GRIP1: variants seen among roughly 807,000 people sequenced by gnomAD.
GRIP1 encodes the protein glutamate receptor interacting protein 1.
Under a neutral mutation model 129.9 loss-of-function variants are expected in GRIP1, and 45 were observed. The ratio of observed to expected loss-of-function variants is 0.35; its 90% confidence interval spans 0.27 to 0.44. The LOEUF (loss-of-function observed/expected upper bound fraction) is 0.44, where lower values mean the gene tolerates loss of function less well. Ranked by LOEUF, GRIP1 falls within the 20% of genes least tolerant of loss-of-function variation. The pLI is 1.00. For synonymous variants in GRIP1, 530 were observed against 520.8 expected (o/e 1.02, Z -0.24); for missense variants, 1,196 against 1,396.8 (o/e 0.86, Z 2.29).
chr12:66,665,205 G>A (rs2033728710), intron 1 of GRIP1, among the ~76,000 whole-genome samples: 1 of 152,058 alleles, frequency 6.6e-6, no homozygotes, highest in Non-Finnish European at 1.5e-5. Context: ...ACAAGGTCTT[G>A]CCATGTTGCC....
chr12:67,017,533 G>A (rs991872917), intron 1 of GRIP1, among the ~76,000 whole-genome samples: 1 of 151,576 alleles, frequency 6.6e-6, no homozygotes, highest in South Asian at 2.1e-4. Flanking sequence ...CTACAAAGGT[G>A]GCTGCAAATG....
intron 7 of GRIP1, among the ~76,000 whole-genome samples, chr12:66,482,252 T>A (rs150029009): frequency 0.014 from 2,061 of 152,196 alleles, 55 homozygotes; most frequent in African/African-American, 0.047. Context: ...ACTACAACAA[T>A]AACTGTCAAG....
At chr12:66,670,610 T>C (rs1565956037) in intron 1 of GRIP1, among the ~76,000 whole-genome samples, 2 of 152,328 alleles carry the variant, frequency 1.3e-5, no homozygotes, top group South Asian at 2.1e-4. Flanking sequence ...CCAAAATGTA[T>C]ACACACAAAT....
intron 1 of GRIP1, among the ~76,000 whole-genome samples, chr12:66,612,680 A>G (rs1358395887): frequency 1.3e-5 from 2 of 152,058 alleles, no homozygotes; most frequent in Admixed American, 1.3e-4. Context: ...TTAAATATCT[A>G]AATATAGAAA....
intron 1 of GRIP1, among the ~76,000 whole-genome samples, chr12:67,000,415 A>T (rs2042534943): frequency 6.6e-6 from 1 of 152,184 alleles, no homozygotes. Context: ...CTATCTAATC[A>T]CTTACTCTTA....
At chr12:66,388,719 C>T (rs1407541759) in intron 19 of GRIP1, among the ~76,000 whole-genome samples, 2 of 152,238 alleles carry the variant, frequency 1.3e-5, no homozygotes, top group Non-Finnish European at 2.9e-5. Context: ...CTTCCTTAAA[C>T]ATATCCCTTC....
Position 66,353,402 on chromosome 12 carries a change from C to T in GRIP1, c.3159+15G>A. The T allele has an allele frequency of 1.3e-6, 2 of 1,589,364 alleles. No homozygotes were observed. Among genetic ancestry groups the T allele is most frequent in the Non-Finnish European group, 1.7e-6 (2 of 1,157,644 alleles). On this transcript the variant is annotated intron_variant, in intron 24 of 24. Coordinates refer to ENST00000359742, the MANE Select transcript of GRIP1 (RefSeq NM_001366722.1). ...AATTACTTGCAAGGAATTAAAATTC[C>T]ACCTGAGGTCTTACCTGTAAGAGCC... is the stretch of plus-strand genomic sequence containing the variant.
intron 1 of GRIP1, among the ~76,000 whole-genome samples, chr12:66,613,878 T>C (rs952170772): frequency 1.3e-5 from 2 of 152,222 alleles, no homozygotes; most frequent in African/African-American, 4.8e-5. Flanking sequence ...CAGTATTAGG[T>C]ACCATCCACT....
chr12:66,580,591 A>T (rs1171437680), intron 2 of GRIP1, among the ~76,000 whole-genome samples: 1 of 149,326 alleles, frequency 6.7e-6, no homozygotes, highest in African/African-American at 2.4e-5. Flanking sequence ...AAACAAAAAA[A>T]GGCAGGGGTT....
intron 1 of GRIP1, among the ~76,000 whole-genome samples, chr12:66,908,867 G>A (rs1006834662): frequency 3.3e-5 from 5 of 152,132 alleles, no homozygotes; most frequent in Non-Finnish European, 7.4e-5. Flanking sequence ...CTTCTGATCT[G>A]AAAACAACCC....
At chr12:66,802,009 C>T (rs879762288) in intron 1 of GRIP1, among the ~76,000 whole-genome samples, 6 of 152,076 alleles carry the variant, frequency 3.9e-5, no homozygotes, top group African/African-American at 7.2e-5. Context: ...GTTTTAAGGT[C>T]GGTCTCACTC....
At chr12:66,946,904 C>T (rs913530131) in intron 1 of GRIP1, among the ~76,000 whole-genome samples, 1 of 151,716 alleles carries the variant, frequency 6.6e-6, no homozygotes, top group South Asian at 2.1e-4. Flanking sequence ...ATTAGCCAGG[C>T]GTGGTGGTTG....
intron 1 of GRIP1, among the ~76,000 whole-genome samples, chr12:66,692,677 G>A (rs1210341824): frequency 6.6e-6 from 1 of 152,184 alleles, no homozygotes; most frequent in African/African-American, 2.4e-5. Flanking sequence ...GAGAGGAGGG[G>A]ATTTGTCTAG....
chr12:66,531,235 CAAAAAAAA>C (rs1168836647), intron 4 of GRIP1, among the ~76,000 whole-genome samples: 39 of 16,420 alleles, frequency 2.4e-3, no homozygotes, highest in African/African-American at 0.012. Flanking sequence ...GACTCTGTCT[CAAAAAAAA>C]AAAAAAAAAA....
rs1003926823 is a variant in GRIP1, at chr12:66,630,056, T to C, written c.56-33129A>G. ...TTTCTACTAGGTATTGAAGAGAATA[T>C]AAAAAAATTCAGAGCTGGGTGTGGT... On this transcript the variant is annotated intron_variant, in intron 1 of 24. Coordinates refer to ENST00000359742, the MANE Select transcript of GRIP1 (RefSeq NM_001366722.1). Among the ~76,000 whole-genome samples the C allele has an allele frequency of 7.9e-5, 12 of 151,834 alleles. 1 individual carries two copies. The highest frequency in any genetic ancestry group is 2.9e-4 in the African/African-American group (12 of 41,378).
At chr12:66,816,577 T>C (rs1360684903) in intron 1 of GRIP1, among the ~76,000 whole-genome samples, 1 of 152,240 alleles carries the variant, frequency 6.6e-6, no homozygotes, top group Non-Finnish European at 1.5e-5. Context: ...ACCAACCTTA[T>C]GTAAGTCCTC....
At position 66,919,663 on chromosome 12, in the gene GRIP1, AC is replaced by A. The variant is rs145060061; in HGVS notation, c.58+149386del. 4.5e-3 allele frequency among the ~76,000 whole-genome samples: 687 copies of A among 152,264 alleles called. 6 individuals are homozygous for A. The highest frequency in any genetic ancestry group is 0.016 in the African/African-American group (668 of 41,548). ...AAGCAAGAATTTGGTTTGGGGCTTG[AC>A]TTTTTTCCCCCAGATAATTACCTCA... On this transcript the variant is annotated intron_variant, in intron 1 of 1. Coordinates refer to the GRIP1 transcript ENST00000643019.
Position 66,826,706 on chromosome 12 carries a change from T to C in GRIP1, c.59-229779A>G, listed in dbSNP as rs79671387. On this transcript the variant is annotated intron_variant, in intron 1 of 1. Transcript: ENST00000643019. ...AGAAAATAAACAATATATTAAATTCTAGTCAATGAAAAAATGAGTGAAAAA... is the reference window on the plus strand; with the variant it reads ...AGAAAATAAACAATATATTAAATTCCAGTCAATGAAAAAATGAGTGAAAAA... 0.019 allele frequency among the ~76,000 whole-genome samples: 2,666 copies of C among 143,152 alleles called. 167 individuals carry two copies. The East Asian group carries it at 0.2, about 11-fold the overall frequency. 93.9% of individuals were successfully genotyped at this position (143,152 alleles called of 152,430 possible). A position where few individuals can be genotyped will look rare whatever the true frequency, so the allele number is the denominator to read the frequency against.
chr12:67,005,185 T>G (rs1260325236), intron 1 of GRIP1, among the ~76,000 whole-genome samples: 2 of 152,192 alleles, frequency 1.3e-5, no homozygotes, highest in Non-Finnish European at 2.9e-5. Context: ...TGCTGCCCTC[T>G]CCCCTTCATA....
Sources: gnomAD v4.1 joint callset for allele counts (sites outside exome capture counted in the v4.1 genomes callset) on GRCh38, gnomAD v4.1.1 for gene constraint, MANE v1.5 for transcripts, NCBI Gene and HGNC (gene_info 2026-07-23, HGNC 2026-07-21) for gene names.